RIMBP2: variants seen among roughly 807,000 people sequenced by gnomAD.
RIMBP2 encodes RIMS binding protein 2.
Under a neutral mutation model 118.6 loss-of-function variants are expected in RIMBP2, and 48 were observed. The ratio of observed to expected loss-of-function variants is 0.40; its 90% CI spans 0.32 to 0.51. The LOEUF (loss-of-function observed/expected upper bound fraction) is 0.51. Ranked by LOEUF, RIMBP2 falls within the 20% of genes least tolerant of loss-of-function variation. The probability of loss-of-function intolerance (pLI) is 0.41; values close to 1 mark genes in which losing one functional copy is unlikely to be tolerated. For synonymous variants in RIMBP2, 762 were observed against 742.9 expected (o/e 1.03, Z -0.42); for missense variants, 1,551 against 1,768.3 (o/e 0.88, Z 2.20).
intron 2 of RIMBP2, among the ~76,000 whole-genome samples, chr12:130,552,104 T>C (rs1480700159): frequency 6.6e-6 from 1 of 152,250 alleles, no homozygotes; most frequent in Non-Finnish European, 1.5e-5. Context: ...CATTCGCTAG[T>C]ATGATGCTAA....
At chr12:130,463,410 T>C (rs1321777973) in intron 6 of RIMBP2, among the ~76,000 whole-genome samples, 2 of 152,096 alleles carry the variant, frequency 1.3e-5, no homozygotes, top group Non-Finnish European at 2.9e-5. Context: ...GCAAGTCAAC[T>C]GTAATTGGAA....
At chr12:130,597,842 A>AC (rs1375929721) in intron 2 of RIMBP2, among the ~76,000 whole-genome samples, 1 of 152,334 alleles carries the variant, frequency 6.6e-6, no homozygotes, top group East Asian at 1.9e-4. Context: ...CAAGGATGTC[A>AC]CCCTTACCAC....
chr12:130,654,649 C>T (rs2063351531), intron 1 of RIMBP2, among the ~76,000 whole-genome samples: 1 of 152,234 alleles, frequency 6.6e-6, no homozygotes, highest in Non-Finnish European at 1.5e-5. Flanking sequence ...ATGCCCCACT[C>T]CTCTGTACCA....
intron 1 of RIMBP2, among the ~76,000 whole-genome samples, chr12:130,707,598 G>A (rs1425650920): frequency 6.6e-6 from 1 of 152,178 alleles, no homozygotes; most frequent in Non-Finnish European, 1.5e-5. Flanking sequence ...CTCTAAGTGA[G>A]AATAAATGCA....
chr12:130,715,836 A>T (rs1005889362), intron 1 of RIMBP2, among the ~76,000 whole-genome samples: 5 of 142,258 alleles, frequency 3.5e-5, no homozygotes, highest in African/African-American at 1.3e-4. Flanking sequence ...CGCACTCCCC[A>T]GGCGAGCGGG....
intron 2 of RIMBP2, among the ~76,000 whole-genome samples, chr12:130,536,191 G>A (rs943845677): frequency 1.1e-4 from 17 of 152,266 alleles, no homozygotes; most frequent in African/African-American, 3.9e-4. Context: ...GAGAGAGAGA[G>A]AGAAACAGAG....
Position 130,422,310 on chromosome 12 carries a change from T to C in RIMBP2, c.3238+143A>G. On this transcript the variant is annotated intron_variant, in intron 17 of 22. Coordinates refer to ENST00000690449, the MANE Select transcript of RIMBP2 (RefSeq NM_001393629.1). This position sits in a 1 kb window ranked among gnomAD's most constrained non-coding sequence, Gnocchi z 5.2. ...ATAGCTTTCATTTATCTTGTGCTGT[T>C]CCTGCCTTCTTTTTGCCATGAATAA... 1.8e-6 allele frequency: 1 copy of C among 560,448 alleles called. No individual in the cohort carries two copies. Among genetic ancestry groups the C allele is most frequent in the Non-Finnish European group, 3.3e-6 (1 of 307,438 alleles). 34.7% of individuals were successfully genotyped at this position (560,448 alleles called of 1,614,324 possible).
intron 2 of RIMBP2, among the ~76,000 whole-genome samples, chr12:130,531,169 G>T (rs2053336277): frequency 1.3e-5 from 2 of 152,162 alleles, no homozygotes; most frequent in African/African-American, 4.8e-5. Context: ...GATTTTTTCA[G>T]ATATTTTTGT....
intron 7 of RIMBP2, 87 bp downstream of exon 7, chr12:130,456,409 A>G (rs1470810224): frequency 4.9e-6 from 6 of 1,226,914 alleles, no homozygotes; most frequent in Admixed American, 2.4e-5. Flanking sequence ...GGTGTCACCA[A>G]ACCGATTTCA....
chr12:130,514,040 G>A (rs1215857532), intron 3 of RIMBP2, among the ~76,000 whole-genome samples: 2 of 152,154 alleles, frequency 1.3e-5, no homozygotes, highest in African/African-American at 4.8e-5. Flanking sequence ...CCACAAAGAT[G>A]CTCAGCCCAA....
chr12:130,522,852 AC>A (rs2052302240), intron 2 of RIMBP2, among the ~76,000 whole-genome samples: 1 of 151,856 alleles, frequency 6.6e-6, no homozygotes, highest in African/African-American at 2.4e-5. Context: ...TGGAGATGGG[AC>A]TCTTAGGAGG....
At chr12:130,484,994 T>G (rs948200519) in intron 4 of RIMBP2, among the ~76,000 whole-genome samples, 2 of 152,216 alleles carry the variant, frequency 1.3e-5, no homozygotes, top group South Asian at 2.1e-4. Context: ...TAGAGGTGTT[T>G]TGAATTTTCC....
chr12:130,455,125 G>C lies in RIMBP2; in HGVS notation c.358+1371C>G, dbSNP rs1046181900. On this transcript the variant is annotated intron_variant, in intron 7 of 22. Transcript: ENST00000690449. Reference sequence around the variant, plus strand: ...GAGCAGAAGCCGTGCGTTTCTTGTCGCACGGAGTGGGGCTCTGTGTGGCCC... The same window carrying C: ...GAGCAGAAGCCGTGCGTTTCTTGTCCCACGGAGTGGGGCTCTGTGTGGCCC... Among the ~76,000 whole-genome samples the C allele has an allele frequency of 3.3e-5, 5 of 152,232 alleles. 1 individual carries two copies. The highest frequency in any genetic ancestry group is 9.6e-5 in the African/African-American group (4 of 41,462).
chr12:130,713,249 GGAAGGAAGGAAGGA>G (rs1950081508), intron 1 of RIMBP2, among the ~76,000 whole-genome samples: 5 of 151,112 alleles, frequency 3.3e-5, no homozygotes, highest in African/African-American at 9.7e-5. Flanking sequence ...AAGGAAGGAA[GGAAGGAAGGAAGGA>G]AGGAAGGAAG....
chr12:130,666,842 A>G (rs1594172470), intron 1 of RIMBP2, among the ~76,000 whole-genome samples: 6 of 96,304 alleles, frequency 6.2e-5, no homozygotes, highest in African/African-American at 1.2e-4. Context: ...AGGGAGGGAG[A>G]GAATGGAGGG....
At position 130,484,250 on chromosome 12, in the gene RIMBP2, G is replaced by A. The variant is rs528921042; in HGVS notation, c.-3-5234C>T. Reference sequence around the variant, plus strand: ...TGACTGCCTCTTGCCTCCTGATGCCGCTGCCACCACCATCTGCCTGCCTCT... The same window carrying A: ...TGACTGCCTCTTGCCTCCTGATGCCACTGCCACCACCATCTGCCTGCCTCT... On this transcript the variant is annotated intron_variant, in intron 4 of 22. Transcript: ENST00000690449. Among the ~76,000 whole-genome samples the A allele has an allele frequency of 1.8e-4, 28 of 152,242 alleles. No homozygotes were observed. In the South Asian group the frequency reaches 2.9e-3, roughly 16 times the overall value.
At chr12:130,545,499 CAT>C (rs1186504377) in intron 2 of RIMBP2, among the ~76,000 whole-genome samples, 13 of 152,224 alleles carry the variant, frequency 8.5e-5, no homozygotes, top group Middle Eastern at 3.4e-3. Context: ...GTTAAATGAA[CAT>C]ACATTATTCA....
intron 2 of RIMBP2, among the ~76,000 whole-genome samples, chr12:130,532,410 T>A (rs2053531464): frequency 6.6e-6 from 1 of 150,936 alleles, no homozygotes; most frequent in Non-Finnish European, 1.5e-5. Context: ...AGGAGTTACG[T>A]CTAATGAGAT....
At chr12:130,555,738 G>A (rs1356448519) in intron 2 of RIMBP2, among the ~76,000 whole-genome samples, 2 of 152,126 alleles carry the variant, frequency 1.3e-5, no homozygotes, top group African/African-American at 4.8e-5. Flanking sequence ...AGGATTTCTC[G>A]ATAAAGCAGC....
Sources: allele counts gnomAD v4.1 joint callset (sites outside exome capture counted in the v4.1 genomes callset), GRCh38; gene constraint gnomAD v4.1.1; non-coding constraint Gnocchi (gnomAD v3.1); transcripts MANE v1.5; gene names NCBI Gene and HGNC (gene_info 2026-07-23, HGNC 2026-07-21).